R3HDM2: variants seen among roughly 807,000 people sequenced by gnomAD.
R3HDM2 encodes R3H domain-containing protein 2.
Under a neutral mutation model 124.5 loss-of-function variants are expected in R3HDM2, and 38 were observed. That is an observed-to-expected ratio of 0.31 (90% CI 0.24 to 0.40). R3HDM2 has a LOEUF of 0.40. R3HDM2 is among the 10% of genes least tolerant of loss of function. R3HDM2 has a pLI of 1.00. For synonymous variants in R3HDM2, 391 were observed against 448.0 expected (o/e 0.87, Z 1.61); for missense variants, 869 against 1,236.9 (o/e 0.70, Z 4.46).
intron 2 of R3HDM2, among the ~76,000 whole-genome samples, chr12:57,358,537 C>CA (rs2061545893): frequency 6.6e-6 from 1 of 151,352 alleles, no homozygotes; most frequent in African/African-American, 2.4e-5. Flanking sequence ...CCAACTACTT[C>CA]AGAGGCTTAG....
At chr12:57,260,840 G>A (rs186548061) in intron 19 of R3HDM2, among the ~76,000 whole-genome samples, 10 of 152,216 alleles carry the variant, frequency 6.6e-5, no homozygotes, top group Non-Finnish European at 1.2e-4. Context: ...GGAAGTGAGC[G>A]TGATTGTTTT....
At chr12:57,272,419 T>A in intron 14 of R3HDM2, 1 of 1,507,490 alleles carries the variant, frequency 6.6e-7, no homozygotes, top group Non-Finnish European at 9.0e-7. Context: ...AGGCCACACA[T>A]GAACAAGACA....
chr12:57,423,165 T>C (rs149596607), intron 1 of R3HDM2, among the ~76,000 whole-genome samples: 2 of 150,206 alleles, frequency 1.3e-5, no homozygotes, highest in African/African-American at 2.4e-5. Context: ...CTCATGCCTG[T>C]AATCCCAGCA....
chr12:57,431,123 C>G (rs1382099245), upstream of R3HDM2: 2 of 152,366 alleles, frequency 1.3e-5, no homozygotes, highest in Non-Finnish European at 2.9e-5. Flanking sequence ...CTCAGCAGCC[C>G]TGCGGGGCCT....
chr12:57,386,366 G>A (rs961411709), intron 2 of R3HDM2, among the ~76,000 whole-genome samples: 6 of 152,248 alleles, frequency 3.9e-5, no homozygotes, highest in Non-Finnish European at 7.3e-5. Flanking sequence ...GCCAGCACGA[G>A]TTCCGGGTGG....
chr12:57,341,713 G>C (rs2059580044), intron 2 of R3HDM2, among the ~76,000 whole-genome samples: 1 of 152,130 alleles, frequency 6.6e-6, no homozygotes, highest in Non-Finnish European at 1.5e-5. Context: ...TTAAAGACTA[G>C]GGGATAGTTA....
intron 1 of R3HDM2, among the ~76,000 whole-genome samples, chr12:57,425,777 G>A (rs953474064): frequency 6.6e-6 from 1 of 152,114 alleles, no homozygotes. Flanking sequence ...CAGCCTGGGA[G>A]ACACAGCAAG....
intron 2 of R3HDM2, among the ~76,000 whole-genome samples, chr12:57,348,178 C>G (rs2060252656): frequency 6.6e-6 from 1 of 152,114 alleles, no homozygotes; most frequent in African/African-American, 2.4e-5. Flanking sequence ...AATCTCAACA[C>G]TGTGGGAGGC....
rs1287346323 is a variant in R3HDM2 at position 57,289,086 on chromosome 12, A to G, written c.907-46T>C. The G allele has an allele frequency of 3.3e-6, 5 of 1,495,244 alleles. No individual in the cohort carries two copies. The Admixed American group carries it at 9.8e-5, about 29-fold the overall frequency. 92.6% of individuals were successfully genotyped at this position (1,495,244 alleles called of 1,614,324 possible). ...GGAAAATAACTTATAAGAAAACAGC[A>G]TGGCATGACCGAAAAGGATGTCCAT... is the stretch of plus-strand genomic sequence containing the variant. On this transcript the variant is annotated intron_variant, in intron 11 of 23. Transcript: ENST00000402412.
chr12:57,269,335 A>T lies in R3HDM2; in HGVS notation c.1702T>A (p.Ser568Thr), dbSNP rs1340428024. 2 of 1,613,882 alleles carry T rather than the reference A, an allele frequency of 1.2e-6. No homozygotes were observed. The highest frequency in any genetic ancestry group is 3.3e-5 in the Admixed American group (2 of 59,998). Residue 568 changes from serine to threonine, a missense_variant, in exon 16 of 24, where the codon TCC becomes ACC. By Grantham distance (58) the Ser-to-Thr change is moderately conservative. Around this residue, in one of 2 missense-constraint regions of R3HDM2, gnomAD observed 602 missense variants for 789.2 expected, o/e 0.76. Coordinates refer to ENST00000402412, the MANE Select transcript of R3HDM2 (RefSeq NM_001394031.1). Reference sequence around the variant, plus strand: ...TGGTTTCTCTTACCAGGCTGCTGGGATGGCTGAGGCAGCTGCTGACCACGT... The same window carrying T: ...TGGTTTCTCTTACCAGGCTGCTGGGTTGGCTGAGGCAGCTGCTGACCACGT... ...PQRGQQLPQPSQQPGLQPMMP... is the reference protein window; with the variant it reads ...PQRGQQLPQPTQQPGLQPMMP...
intron 3 of R3HDM2, chr12:57,305,672 G>A: frequency 2.5e-6 from 1 of 399,034 alleles, no homozygotes; most frequent in Non-Finnish European, 4.4e-6. Flanking sequence ...TCCTGTTGGA[G>A]AAGACAGACA....
At chr12:57,347,540 G>A (rs1372751073) in intron 2 of R3HDM2, among the ~76,000 whole-genome samples, 1 of 152,106 alleles carries the variant, frequency 6.6e-6, no homozygotes, top group Non-Finnish European at 1.5e-5. Flanking sequence ...TAAGATGGTA[G>A]ACAAAATCTA....
chr12:57,279,465 G>A (rs1251509423), intron 14 of R3HDM2, among the ~76,000 whole-genome samples: 2 of 150,454 alleles, frequency 1.3e-5, no homozygotes, highest in East Asian at 2.0e-4. Context: ...TTACAGGCTT[G>A]AGCAACCATG....
rs533303191 is a variant in R3HDM2 at position 57,254,009 on chromosome 12, G to A, written c.*764C>T. On this transcript the variant is annotated 3_prime_UTR_variant, in exon 24 of 24. Coordinates refer to ENST00000402412, the MANE Select transcript of R3HDM2 (RefSeq NM_001394031.1). Reference sequence around the variant, plus strand: ...TCTGTGGGGTCTAGGAAGACAAGATGGGGAAGTGAGAGAATGGGGCAATCA... The same window carrying A: ...TCTGTGGGGTCTAGGAAGACAAGATAGGGAAGTGAGAGAATGGGGCAATCA... 3 of 397,036 alleles carry A rather than the reference G, an allele frequency of 7.6e-6. No individual in the cohort carries two copies. Among genetic ancestry groups the A allele is most frequent in the African/African-American group, 6.5e-5 (3 of 46,500 alleles). The allele number at this position is 397,036 out of a possible 1,614,324, so 24.6% of individuals were successfully genotyped here. A position where few individuals can be genotyped will look rare whatever the true frequency, so the allele number is the denominator to read the frequency against.
chr12:57,369,345 A>G lies in R3HDM2; in HGVS notation c.-36+26404T>C, dbSNP rs546746914. 2.3e-4 allele frequency among the ~76,000 whole-genome samples: 35 copies of G among 152,316 alleles called. No homozygotes were observed. In the South Asian group the frequency reaches 7.0e-3, roughly 31 times the overall value. ...TGATTCTGGTTCTGAAAGTCACCTA[A>G]AAGACTTTCATTGTAAACTGATGCG... On this transcript the variant is annotated intron_variant, in intron 2 of 23. Transcript: ENST00000402412.
intron 14 of R3HDM2, among the ~76,000 whole-genome samples, chr12:57,273,205 G>C (rs1313536370): frequency 6.6e-6 from 1 of 152,122 alleles, no homozygotes; most frequent in African/African-American, 2.4e-5. Flanking sequence ...ACAGCAATAT[G>C]AAAAATCCAC....
chr12:57,427,671 G>A (rs1192893616), intron 1 of R3HDM2, among the ~76,000 whole-genome samples: 1 of 151,962 alleles, frequency 6.6e-6, no homozygotes, highest in African/African-American at 2.4e-5. Flanking sequence ...TACTAGGGGA[G>A]ATTAAAATAT....
At chr12:57,372,357 G>C (rs2063487773) in intron 2 of R3HDM2, among the ~76,000 whole-genome samples, 1 of 152,144 alleles carries the variant, frequency 6.6e-6, no homozygotes, top group East Asian at 1.9e-4. Flanking sequence ...CCGCAATACA[G>C]AGCACAGCAG....
chr12:57,334,824 C>T (rs1416727116), intron 2 of R3HDM2, among the ~76,000 whole-genome samples: 2 of 151,966 alleles, frequency 1.3e-5, no homozygotes, highest in African/African-American at 4.8e-5. Flanking sequence ...CCTCAATATA[C>T]GGAGAGCTAA....
Sources: allele counts gnomAD v4.1 joint callset (sites outside exome capture counted in the v4.1 genomes callset), GRCh38; gene constraint gnomAD v4.1.1; regional missense constraint gnomAD v4.1.1; transcripts MANE v1.5; gene names NCBI Gene and HGNC (gene_info 2026-07-23, HGNC 2026-07-21).